DCLK1: variants seen among roughly 807,000 people sequenced by gnomAD.
DCLK1 encodes serine/threonine-protein kinase DCLK1.
A neutral mutation model predicts 86.2 loss-of-function variants in DCLK1; 16 were observed. That is an observed-to-expected ratio of 0.19 (90% CI 0.13 to 0.28). The LOEUF is 0.28. Among genes scored for constraint, DCLK1 ranks in the 10% least tolerant of loss-of-function variants. DCLK1 has a pLI of 1.00. For synonymous variants in DCLK1, 369 were observed against 370.5 expected (o/e 1.00, Z 0.05); for missense variants, 590 against 940.2 (o/e 0.63, Z 4.87).
chr13:35,943,023 A>C (rs1877167742), intron 4 of DCLK1, among the ~76,000 whole-genome samples: 1 of 152,236 alleles, frequency 6.6e-6, no homozygotes, highest in South Asian at 2.1e-4. Context: ...TTCCCCAAAA[A>C]GATATGTTCC....
chr13:35,843,235 G>T (rs974353245), intron 6 of DCLK1, among the ~76,000 whole-genome samples: 1 of 152,112 alleles, frequency 6.6e-6, no homozygotes, highest in Non-Finnish European at 1.5e-5. Flanking sequence ...AGTACAAAAC[G>T]TACAGTTATT....
At chr13:35,955,472 T>C (rs1782035839) in intron 3 of DCLK1, among the ~76,000 whole-genome samples, 1 of 152,106 alleles carries the variant, frequency 6.6e-6, no homozygotes, top group Admixed American at 6.6e-5. Flanking sequence ...ATGAGGATGA[T>C]GCCCTTGTAA....
intron 4 of DCLK1, among the ~76,000 whole-genome samples, chr13:35,896,922 A>G (rs184910863): frequency 1.3e-3 from 197 of 152,274 alleles, no homozygotes; most frequent in Non-Finnish European, 2.3e-3. Flanking sequence ...TAGCACAGGG[A>G]ACACTTGCGG....
chr13:35,824,128 C>A (rs2087464089), intron 10 of DCLK1, among the ~76,000 whole-genome samples: 1 of 152,140 alleles, frequency 6.6e-6, no homozygotes, highest in Non-Finnish European at 1.5e-5. Flanking sequence ...TATATGGAGA[C>A]CCTGCAAAGA....
Position 35,774,459 on chromosome 13 carries a change from G to A in DCLK1, c.*76C>T, listed in dbSNP as rs1266323475. On this transcript the variant is annotated 3_prime_UTR_variant, in exon 17 of 17. Coordinates refer to ENST00000360631, the MANE Select transcript of DCLK1 (RefSeq NM_001330071.2). ...AGCGCTAGATAGATCAGATGAAACT[G>A]TTTTACACAAATTTGGGGGAAAAAA... The A allele has an allele frequency of 3.3e-6, 5 of 1,518,324 alleles. No homozygotes were observed. The highest frequency in any genetic ancestry group is 4.1e-5 in the Admixed American group (2 of 48,862). The allele number at this position is 1,518,324 out of a possible 1,614,324, so 94.1% of individuals were successfully genotyped here.
chr13:35,962,330 T>TG (rs1262333018), intron 3 of DCLK1, among the ~76,000 whole-genome samples: 2 of 152,052 alleles, frequency 1.3e-5, no homozygotes, highest in African/African-American at 4.8e-5. Flanking sequence ...AAAGGACACT[T>TG]GGACAAAGAC....
chr13:36,100,218 A>G (rs1431836000), intron 3 of DCLK1, among the ~76,000 whole-genome samples: 1 of 141,116 alleles, frequency 7.1e-6, no homozygotes, highest in Non-Finnish European at 1.5e-5. Context: ...AAAAAACCAC[A>G]CACACACAAA....
intron 16 of DCLK1, among the ~76,000 whole-genome samples, chr13:35,790,036 T>G (rs1182534237): frequency 6.6e-6 from 1 of 152,148 alleles, no homozygotes; most frequent in African/African-American, 2.4e-5. Flanking sequence ...CCTTTCCTCC[T>G]TCAGGAGGGT....
intron 3 of DCLK1, among the ~76,000 whole-genome samples, chr13:36,098,970 GA>G (rs1885104663): frequency 6.9e-6 from 1 of 144,456 alleles, no homozygotes. Flanking sequence ...ATATTATTTG[GA>G]TTTTTTTTTT....
At chr13:35,962,105 A>G (rs1878492292) in intron 3 of DCLK1, among the ~76,000 whole-genome samples, 1 of 152,216 alleles carries the variant, frequency 6.6e-6, no homozygotes. Context: ...ACAGCGAACA[A>G]AATAGTTATC....
At chr13:35,780,571 G>A (rs1361371729) in intron 16 of DCLK1, among the ~76,000 whole-genome samples, 1 of 152,194 alleles carries the variant, frequency 6.6e-6, no homozygotes, top group Non-Finnish European at 1.5e-5. Flanking sequence ...GCCATGCTGG[G>A]TACTGGGTGA....
intron 5 of DCLK1, among the ~76,000 whole-genome samples, chr13:35,868,365 T>C (rs1872008848): frequency 6.6e-6 from 1 of 152,100 alleles, no homozygotes; most frequent in Admixed American, 6.6e-5. Flanking sequence ...ACAATGACAA[T>C]AAAAAGTTAA....
At chr13:35,836,173 T>G in intron 7 of DCLK1, 32 bp from the exon 8 acceptor site, 4 of 1,544,412 alleles carry the variant, frequency 2.6e-6, no homozygotes, top group Non-Finnish European at 3.6e-6. Flanking sequence ...TTTTATTGGT[T>G]GAAAAGGGAA....
At chr13:35,990,046 T>C (rs1391859008) in intron 3 of DCLK1, among the ~76,000 whole-genome samples, 1 of 152,152 alleles carries the variant, frequency 6.6e-6, no homozygotes. Flanking sequence ...ACTAAAAATA[T>C]GAAAATTATA....
intron 11 of DCLK1, among the ~76,000 whole-genome samples, chr13:35,814,748 C>A (rs2087231187): frequency 1.3e-5 from 2 of 152,194 alleles, no homozygotes; most frequent in Admixed American, 1.3e-4. Context: ...GGGATTAGTG[C>A]AAATTACCCA....
intron 4 of DCLK1, among the ~76,000 whole-genome samples, chr13:35,943,647 C>T (rs1056319944): frequency 2.0e-5 from 3 of 152,008 alleles, no homozygotes; most frequent in African/African-American, 7.3e-5. Context: ...AGGAACAAGC[C>T]AAGCAGAGTG....
At position 35,848,442 on chromosome 13, in the gene DCLK1, A is replaced by G. The variant is rs1870372693; in HGVS notation, c.1035+6057T>C. 4 of 985,336 alleles carry G rather than the reference A, an allele frequency of 4.1e-6. 1 individual carries two copies. The South Asian group carries it at 1.9e-4, about 46-fold the overall frequency. The allele number at this position is 985,336 out of a possible 1,614,324, so 61.0% of individuals were successfully genotyped here. ...TACTTTCAAAAAGTAAATGATATAT[A>G]TAGCCCCTGAACAGTCCTTTAATAG... On this transcript the variant is annotated intron_variant, in intron 6 of 16. Coordinates refer to ENST00000360631, the MANE Select transcript of DCLK1 (RefSeq NM_001330071.2).
At chr13:35,874,635 T>C (rs1032230457) in intron 4 of DCLK1, among the ~76,000 whole-genome samples, 5 of 152,170 alleles carry the variant, frequency 3.3e-5, no homozygotes, top group Admixed American at 6.5e-5. Flanking sequence ...AAAAAATCTA[T>C]ACATACAGGA....
chr13:35,778,280 T>C (rs1056956645), intron 16 of DCLK1, among the ~76,000 whole-genome samples: 2 of 152,206 alleles, frequency 1.3e-5, no homozygotes, highest in African/African-American at 4.8e-5. Context: ...GCCTTTGCAA[T>C]GTGCTTCCAA....
Sources: gnomAD v4.1 joint callset for allele counts (sites outside exome capture counted in the v4.1 genomes callset) on GRCh38, gnomAD v4.1.1 for gene constraint, MANE v1.5 for transcripts, NCBI Gene and HGNC (gene_info 2026-07-23, HGNC 2026-07-21) for gene names.